XPC: variants seen among roughly 807,000 people sequenced by gnomAD.
XPC encodes the protein XPC complex subunit, DNA damage recognition and repair factor, also known as DNA repair protein complementing XP-C cells.
A neutral mutation model predicts 95.8 loss-of-function variants in XPC; 76 were observed. The observed-to-expected ratio is 0.79, with a 90% CI of 0.66 to 0.96. XPC has a LOEUF of 0.96. Ranked by LOEUF, XPC falls within the 40% of genes least tolerant of loss-of-function variation. XPC has a pLI of 0.00. For missense variants in XPC, 1,146 were observed against 1,179.8 expected, an observed-to-expected ratio of 0.97 and a Z score of 0.42; for synonymous variants, 442 against 442.1, an observed-to-expected ratio of 1.00 and a Z score of 0.00.
At chr3:14,152,465 T>A in intron 10 of XPC, 49 bp from the exon 11 acceptor site, 5 of 1,537,408 alleles carry the variant, frequency 3.3e-6, no homozygotes, top group Non-Finnish European at 4.4e-6. Context: ...ACAGCCCCAC[T>A]GCGGGAATGC....
chr3:14,155,241 C>T (rs1296737704), intron 10 of XPC, among the ~76,000 whole-genome samples: 1 of 152,238 alleles, frequency 6.6e-6, no homozygotes, highest in African/African-American at 2.4e-5. Context: ...GGACTCAAAT[C>T]GCCCACTCTC....
intron 15 of XPC, 102 bp downstream of exon 15, chr3:14,147,188 C>T (rs1229010282): frequency 2.4e-6 from 3 of 1,236,024 alleles, no homozygotes; most frequent in Non-Finnish European, 3.4e-6. Flanking sequence ...CAAAGCTATC[C>T]CTGACTTGAG....
At position 14,145,767 on chromosome 3, in the gene XPC, G is replaced by T; in HGVS notation, c.*174C>A. Reference sequence around the variant, plus strand: ...GGGCTGGAGCCAGACGGGACCTGCAGCACCTCCTCAGCTTGGCCTCGTCTC... The same window carrying T: ...GGGCTGGAGCCAGACGGGACCTGCATCACCTCCTCAGCTTGGCCTCGTCTC... On this transcript the variant is annotated 3_prime_UTR_variant, in exon 16 of 16. Coordinates refer to ENST00000285021, the MANE Select transcript of XPC (RefSeq NM_004628.5). 1.3e-6 allele frequency: 1 copy of T among 790,722 alleles called. No individual in the cohort carries two copies. The highest frequency in any genetic ancestry group is 2.1e-6 in the Non-Finnish European group (1 of 467,406). 49.0% of individuals were successfully genotyped at this position (790,722 alleles called of 1,614,324 possible). A position where few individuals can be genotyped will look rare whatever the true frequency, so the allele number is the denominator to read the frequency against.
Position 14,164,886 on chromosome 3 carries a change from T to G in XPC, c.827A>C (p.Gln276Pro). 1 of 1,612,744 alleles carries G rather than the reference T, an allele frequency of 6.2e-7. No individual in the cohort carries two copies. The highest frequency in any genetic ancestry group is 8.5e-7 in the Non-Finnish European group (1 of 1,179,346). ...TVNAELSASE[Q>P]DNLQTTLERR... is the part of the protein sequence containing the mutation. ...TTCCAATGTAGTCTGCAGGTTATCT[T>G]GTTCACTGGCTGAAAGTTCTGCATT... Residue 276 changes from glutamine (Q) to proline (P), a missense_variant, in exon 7 of 16, where the codon CAA becomes CCA. By Grantham distance (76) the Gln-to-Pro change is moderately conservative. Coordinates refer to ENST00000285021, the MANE Select transcript of XPC (RefSeq NM_004628.5).
chr3:14,161,629 TAA>T (rs199661800), intron 7 of XPC, among the ~76,000 whole-genome samples: 55 of 122,782 alleles, frequency 4.5e-4, no homozygotes, highest in Admixed American at 6.8e-4. Flanking sequence ...CTTTCATGAT[TAA>T]AAAAAAAAAA....
chr3:14,146,664 AG>A (rs1695450551), intron 15 of XPC, among the ~76,000 whole-genome samples: 1 of 152,132 alleles, frequency 6.6e-6, no homozygotes, highest in Non-Finnish European at 1.5e-5. Flanking sequence ...TCTCCACCAG[AG>A]GGACTGGAAT....
chr3:14,164,148 A>C lies in XPC; in HGVS notation c.900+665T>G, dbSNP rs536535227. 2.6e-5 allele frequency among the ~76,000 whole-genome samples: 4 copies of C among 152,326 alleles called. No homozygotes were observed. The East Asian group carries it at 7.7e-4, about 29-fold the overall frequency. ...GACTTGTTAAAGCCAACACGGAAGA[A>C]GAGAACTAAAGATGTCAACCATCTT... On this transcript the variant is annotated intron_variant, in intron 7 of 15. Coordinates refer to ENST00000285021, the MANE Select transcript of XPC (RefSeq NM_004628.5).
intron 1 of XPC, among the ~76,000 whole-genome samples, chr3:14,174,447 C>A (rs2045446): frequency 0.023 from 3,428 of 152,092 alleles, 205 homozygotes; most frequent in East Asian, 0.22. Context: ...AAAAAATGCA[C>A]GTAGGAGGAT....
chr3:14,158,329 C>T lies in XPC; in HGVS notation c.1554G>A (p.Glu518=), dbSNP rs781023212. 1 of 1,614,014 alleles carries T rather than the reference C, an allele frequency of 6.2e-7. No homozygotes were observed. The highest frequency in any genetic ancestry group is 2.2e-5 in the East Asian group (1 of 44,870). ...CAGCTATGCTTCTTTTTTCTGCCTT[C>T]TCACCATCGCTGCACATTTTCTTGC... ...KRGKKMCSDG[E]KAEKRSIAGI... is the part of the protein sequence containing the mutation. Residue 518 remains glutamate (E), a synonymous_variant, in exon 9 of 16, where the codon GAG becomes GAA. Coordinates refer to ENST00000285021, the MANE Select transcript of XPC (RefSeq NM_004628.5). The surrounding 1 kb of genome is among the most constrained non-coding windows in gnomAD (Gnocchi z 5.2).
rs1696679400 is a variant in XPC, at chr3:14,173,064, T to C, written c.104-2A>G. On this transcript the variant is annotated splice_acceptor_variant, in intron 1 of 15. Coordinates refer to ENST00000285021, the MANE Select transcript of XPC (RefSeq NM_004628.5). LOFTEE classifies it high-confidence loss of function. ...GGGGTTTCTCATCTTCAAAGGCATC[T>C]AGGTGACAACACAGAACATAAGGTG... is the stretch of plus-strand genomic sequence containing the variant. The C allele has an allele frequency of 1.9e-6, 3 of 1,567,908 alleles. No homozygotes were observed. The highest frequency in any genetic ancestry group is 2.6e-6 in the Non-Finnish European group (3 of 1,157,490).
At position 14,146,021 on chromosome 3, in the gene XPC, T is replaced by G; in HGVS notation, c.2743A>C (p.Lys915Gln). Reference sequence around the variant, plus strand: ...GTCTTCTTGGGCCCACCCTTCAGCTTCTGCTTTTCTTCATCTTCTCGGTTT... The same window carrying G: ...GTCTTCTTGGGCCCACCCTTCAGCTGCTGCTTTTCTTCATCTTCTCGGTTT... ...PQNREDEEKQ[K>Q]LKGGPKKTKR... The change falls in exon 16 of 16, where the codon AAG becomes CAG. Residue 915 changes from lysine (K) to glutamine (Q), a missense_variant. Lys to Gln is a moderately conservative substitution (Grantham distance 53). Transcript: ENST00000285021. The G allele has an allele frequency of 1.9e-6, 3 of 1,612,646 alleles. No homozygotes were observed. The highest frequency in any genetic ancestry group is 2.5e-6 in the Non-Finnish European group (3 of 1,179,284).
rs1696420304 is a variant in XPC at position 14,167,236 on chromosome 3, T to TC, written c.553dup (p.Glu185GlyfsTer3). The stretch of plus-strand genomic sequence containing the variant: ...CGCCCTCCGAAGATATGTCTCAAAC[T>TC]CCAGTTTTATCTTTTCACTGCAACA... On this transcript the variant is annotated frameshift_variant, in exon 5 of 16. Transcript: ENST00000285021. LOFTEE classifies it high-confidence loss of function. The TC allele has an allele frequency of 2.5e-6, 4 of 1,611,870 alleles. No individual in the cohort carries two copies. The highest frequency in any genetic ancestry group is 1.3e-5 in the African/African-American group (1 of 74,824).
chr3:14,163,443 A>C (rs1696242736), intron 7 of XPC, among the ~76,000 whole-genome samples: 1 of 152,258 alleles, frequency 6.6e-6, no homozygotes. Flanking sequence ...ATACTGATAC[A>C]TGCTAAAATG....
chr3:14,161,645 A>C (rs923418037), intron 7 of XPC, among the ~76,000 whole-genome samples: 1 of 151,046 alleles, frequency 6.6e-6, no homozygotes, highest in Admixed American at 6.6e-5. Flanking sequence ...AAAAAAAAAA[A>C]AATTCAGAAC....
intron 7 of XPC, among the ~76,000 whole-genome samples, chr3:14,160,854 G>C (rs1696141122): frequency 6.6e-6 from 1 of 152,206 alleles, no homozygotes; most frequent in South Asian, 2.1e-4. Context: ...ACCACTAGCT[G>C]AGTGACTTCC....
chr3:14,158,138 G>A lies in XPC; in HGVS notation c.1745C>T (p.Thr582Ile). ...IDSDGWVRDV[T>I]QRYDPVWMTV... is the part of the protein sequence containing the mutation. ...CATCCAGACTGGGTCGTACCTCTGT[G>A]TGACATCTCGGACCCAGCCGTCACT... Residue 582 changes from threonine to isoleucine, a missense_variant, in exon 9 of 16, where the codon ACA becomes ATA. Physicochemically the swap from Thr to Ile is moderately conservative, Grantham distance 89. Transcript: ENST00000285021. This position sits in a 1 kb window ranked among gnomAD's most constrained non-coding sequence, Gnocchi z 5.2. The A allele has an allele frequency of 6.2e-7, 1 of 1,613,962 alleles. No homozygotes were observed. The highest frequency in any genetic ancestry group is 8.5e-7 in the Non-Finnish European group (1 of 1,179,898).
At chr3:14,172,338 G>T (rs1696647836) in intron 2 of XPC, among the ~76,000 whole-genome samples, 1 of 152,172 alleles carries the variant, frequency 6.6e-6, no homozygotes, top group Admixed American at 6.5e-5. Context: ...GAAGTCAGAG[G>T]AGAGAAGGGG....
intron 7 of XPC, among the ~76,000 whole-genome samples, chr3:14,162,447 A>G (rs913663762): frequency 2.0e-5 from 3 of 152,342 alleles, no homozygotes; most frequent in East Asian, 3.9e-4. Flanking sequence ...GACCAACAGC[A>G]TAGAATTGAG....
chr3:14,160,055 GA>G (rs913790940), intron 7 of XPC, among the ~76,000 whole-genome samples: 27 of 152,120 alleles, frequency 1.8e-4, no homozygotes, highest in African/African-American at 6.5e-4. Context: ...AAGGAAAATA[GA>G]AGTTTTCCTT....
Sources: gnomAD v4.1 joint callset for allele counts (sites outside exome capture counted in the v4.1 genomes callset) on GRCh38, gnomAD v4.1.1 for gene constraint, Gnocchi (gnomAD v3.1) non-coding constraint, MANE v1.5 for transcripts, NCBI Gene and HGNC (gene_info 2026-07-23, HGNC 2026-07-21) for gene names.